The following ABL1 variants were observed in gnomAD, a reference collection of about 807,000 sequenced individuals.
The protein encoded by ABL1 is ABL proto-oncogene 1, non-receptor tyrosine kinase.
A neutral mutation model predicts 94.7 loss-of-function variants in ABL1; 11 were observed. That is an observed-to-expected ratio of 0.12 (90% CI 0.07 to 0.19). The LOEUF is 0.19. ABL1 is among the 10% of genes least tolerant of loss of function. The pLI is 1.00. For synonymous variants in ABL1, 656 were observed against 622.4 expected (o/e 1.05, Z -0.80); for missense variants, 1,082 against 1,489.4 (o/e 0.73, Z 4.50).
chr9:130,743,222 G>A (rs536527951), intron 1 of ABL1, among the ~76,000 whole-genome samples: 4 of 152,210 alleles, frequency 2.6e-5, no homozygotes, highest in Non-Finnish European at 2.9e-5. Flanking sequence ...ACAGGCTTGC[G>A]CCACCATGCC....
intron 1 of ABL1, among the ~76,000 whole-genome samples, chr9:130,775,516 C>A (rs1290198160): frequency 6.6e-6 from 1 of 151,976 alleles, no homozygotes; most frequent in Non-Finnish European, 1.5e-5. Flanking sequence ...ACAAGTTAGA[C>A]ACAACTGAAG....
chr9:130,878,903 G>A (rs998712521), intron 8 of ABL1, among the ~76,000 whole-genome samples: 1 of 143,858 alleles, frequency 7.0e-6, no homozygotes, highest in African/African-American at 2.6e-5. Context: ...TTGAGACGGA[G>A]TTTCGCTCTT....
intron 1 of ABL1, among the ~76,000 whole-genome samples, chr9:130,829,546 C>G (rs978444583): frequency 2.4e-5 from 3 of 125,870 alleles, no homozygotes; most frequent in Non-Finnish European, 4.7e-5. Context: ...GCCTGGGTGA[C>G]AGAGCGAGAC....
chr9:130,887,231 C>G lies in ABL1; in HGVS notation c.*1548C>G. On this transcript the variant is annotated 3_prime_UTR_variant, in exon 11 of 11. Coordinates refer to ENST00000318560, the MANE Select transcript of ABL1 (RefSeq NM_005157.6). Reference sequence around the variant, plus strand: ...CCTAGCTTTACGCTCATCACCTAAACTTGTACTTTATTTTTCTGATAGAAA... The same window carrying G: ...CCTAGCTTTACGCTCATCACCTAAAGTTGTACTTTATTTTTCTGATAGAAA... 1 of 233,180 alleles carries G rather than the reference C, an allele frequency of 4.3e-6. No homozygotes were observed. Among genetic ancestry groups the G allele is most frequent in the Non-Finnish European group, 8.5e-6 (1 of 117,952 alleles). The allele number at this position is 233,180 out of a possible 1,614,324, so 14.4% of individuals were successfully genotyped here.
chr9:130,853,464 GAGTGC>G (rs1189132513), intron 1 of ABL1, among the ~76,000 whole-genome samples: 1 of 151,670 alleles, frequency 6.6e-6, no homozygotes, highest in Non-Finnish European at 1.5e-5. Context: ...ACCCAGGCTG[GAGTGC>G]AGTGGCGCAA....
intron 1 of ABL1, among the ~76,000 whole-genome samples, chr9:130,797,235 CGAAAAAA>C (rs1233379967): frequency 6.4e-5 from 3 of 46,756 alleles, no homozygotes; most frequent in Admixed American, 4.1e-4. Flanking sequence ...GACTCCATCT[CGAAAAAA>C]AAAAAAAAAA....
chr9:130,884,600 C>G lies in ABL1; in HGVS notation c.2310C>G (p.Asn770Lys). 6.2e-7 allele frequency: 1 copy of G among 1,613,362 alleles called. No homozygotes were observed. Among genetic ancestry groups the G allele is most frequent in the Non-Finnish European group, 8.5e-7 (1 of 1,180,024 alleles). Residue 770 changes from asparagine to lysine, a missense_variant, in exon 11 of 11, where the codon AAC becomes AAG. Physicochemically the swap from Asn to Lys is moderately conservative, Grantham distance 94 (BLOSUM62 0). This residue lies in a region of ABL1 where 780 missense variants were observed against 835.8 expected (regional missense o/e 0.93). Coordinates refer to ENST00000318560, the MANE Select transcript of ABL1 (RefSeq NM_005157.6). The surrounding 1 kb of genome is among the most constrained non-coding windows in gnomAD (Gnocchi z 5.6). The part of the protein sequence containing the change: ...PALPRKRAGE[N>K]RSDQVTRGTV... ...TGCCTCGGAAGAGGGCAGGGGAGAA[C>G]AGGTCTGACCAGGTGACCCGAGGCA...
At position 130,878,401 on chromosome 9, in the gene ABL1, C is replaced by T. The variant is rs373510194; in HGVS notation, c.1271-14C>T. ...CACATCTTGAACAGCCTTTCTCTTT[C>T]GGTTTTCTTTCAGCATTTGGAGTAT... On this transcript the variant is annotated splice_polypyrimidine_tract_variant and intron_variant, in intron 7 of 10. Coordinates refer to ENST00000318560, the MANE Select transcript of ABL1 (RefSeq NM_005157.6). 48 of 1,613,236 alleles carry T rather than the reference C, an allele frequency of 3.0e-5. No individual in the cohort carries two copies. Among genetic ancestry groups the T allele is most frequent in the Non-Finnish European group, 3.7e-5 (44 of 1,179,326 alleles).
At chr9:130,720,292 A>G (rs1018162948) in intron 1 of ABL1, among the ~76,000 whole-genome samples, 14 of 152,166 alleles carry the variant, frequency 9.2e-5, no homozygotes, top group Non-Finnish European at 5.9e-5. Flanking sequence ...GGGACAGGGA[A>G]TGGGGTAGGA....
Position 130,728,230 on chromosome 9 carries a change from A to ATTTTTTTTTTTTTTTT in ABL1, c.136+13778_136+13793dup, listed in dbSNP as rs55915035. 3.9e-3 allele frequency among the ~76,000 whole-genome samples: 397 copies of ATTTTTTTTTTTTTTTT among 102,428 alleles called. 33 individuals are homozygous for ATTTTTTTTTTTTTTTT. Among genetic ancestry groups the ATTTTTTTTTTTTTTTT allele is most frequent in the East Asian group, 0.011 (30 of 2,740 alleles). 67.2% of individuals were successfully genotyped at this position (102,428 alleles called of 152,430 possible). ...GGGCATGCGCCACCATGTCCAGCTG[A>ATTTTTTTTTTTTTTTT]TTTTTTTTTTTTTTTTTTGTGGAGA... On this transcript the variant is annotated intron_variant, in intron 1 of 10. Transcript: ENST00000372348.
At chr9:130,801,900 C>T (rs1830060373) in intron 1 of ABL1, among the ~76,000 whole-genome samples, 1 of 152,070 alleles carries the variant, frequency 6.6e-6, no homozygotes, top group African/African-American at 2.4e-5. Context: ...TTTGTTTCTT[C>T]TTGGTGTACA....
chr9:130,887,065 A>T lies in ABL1; in HGVS notation c.*1382A>T, dbSNP rs1165122142. 4.3e-6 allele frequency: 1 copy of T among 232,834 alleles called. No individual in the cohort carries two copies. Among genetic ancestry groups the T allele is most frequent in the African/African-American group, 2.2e-5 (1 of 45,308 alleles). 14.4% of individuals were successfully genotyped at this position (232,834 alleles called of 1,614,324 possible). ...AGATACGGGGGCTGTGACTCTGGGCAGGGACCCGGGGTCTCCTGGACCTTG... is the reference window on the plus strand; with the variant it reads ...AGATACGGGGGCTGTGACTCTGGGCTGGGACCCGGGGTCTCCTGGACCTTG... On this transcript the variant is annotated 3_prime_UTR_variant, in exon 11 of 11. Coordinates refer to ENST00000318560, the MANE Select transcript of ABL1 (RefSeq NM_005157.6).
At chr9:130,861,482 A>C (rs1191535076) in intron 3 of ABL1, among the ~76,000 whole-genome samples, 1 of 152,234 alleles carries the variant, frequency 6.6e-6, no homozygotes, top group Non-Finnish European at 1.5e-5. Context: ...TTACAGACGT[A>C]TAGTAATGGT....
At chr9:130,871,021 G>A (rs1044176197) in intron 4 of ABL1, among the ~76,000 whole-genome samples, 7 of 152,304 alleles carry the variant, frequency 4.6e-5, no homozygotes, top group Admixed American at 4.6e-4. Context: ...AAGGTTCTAC[G>A]TTTAATAGAA....
chr9:130,834,086 C>T (rs761581936), upstream of ABL1: 9 of 456,088 alleles, frequency 2.0e-5, 1 homozygote, highest in South Asian at 1.2e-4. Flanking sequence ...GGCAAGGTGT[C>T]TGACTTCTCT....
At chr9:130,843,370 C>A (rs1240566506) in intron 1 of ABL1, among the ~76,000 whole-genome samples, 1 of 152,196 alleles carries the variant, frequency 6.6e-6, no homozygotes, top group Non-Finnish European at 1.5e-5. Context: ...TGCAGAAATT[C>A]TCTGCATGCA....
At chr9:130,813,481 A>ATTCTC (rs1564297922) in intron 1 of ABL1, among the ~76,000 whole-genome samples, 1 of 148,930 alleles carries the variant, frequency 6.7e-6, no homozygotes. Flanking sequence ...GAATCACTTG[A>ATTCTC]ACCCGGGAGG....
chr9:130,781,905 A>C (rs1829760907), intron 1 of ABL1, among the ~76,000 whole-genome samples: 1 of 152,194 alleles, frequency 6.6e-6, no homozygotes, highest in Non-Finnish European at 1.5e-5. Context: ...TATGAGGAAT[A>C]CATATTCAGT....
upstream of ABL1, among the ~76,000 whole-genome samples, chr9:130,832,263 C>T (rs1010232011): frequency 3.3e-5 from 5 of 150,724 alleles, no homozygotes; most frequent in Non-Finnish European, 7.4e-5. Context: ...GCTGGGATTA[C>T]AGATGCCCGC....
Sources: allele counts gnomAD v4.1 joint callset (sites outside exome capture counted in the v4.1 genomes callset), GRCh38; gene constraint gnomAD v4.1.1; regional missense constraint gnomAD v4.1.1; non-coding constraint Gnocchi (gnomAD v3.1); transcripts MANE v1.5; gene names NCBI Gene and HGNC (gene_info 2026-07-23, HGNC 2026-07-21).